The following LRRC4C variants were observed in gnomAD, a reference collection of about 807,000 sequenced individuals.
LRRC4C encodes the protein leucine rich repeat containing 4C, also known as leucine-rich repeat-containing protein 4C.
Under a neutral mutation model 33.6 loss-of-function variants are expected in LRRC4C, and 5 were observed. That is an observed-to-expected ratio of 0.15 (90% CI 0.08 to 0.31). The LOEUF (loss-of-function observed/expected upper bound fraction) is 0.31. Ranked by LOEUF, LRRC4C falls within the 10% of genes least tolerant of loss-of-function variation. The pLI, the probability that LRRC4C is intolerant of heterozygous loss-of-function variation, is 1.00. For synonymous variants in LRRC4C, 329 were observed against 302.0 expected, an observed-to-expected ratio of 1.09 and a Z score of -0.93; for missense variants, 560 against 796.7, an observed-to-expected ratio of 0.70 and a Z score of 3.58.
chr11:40,312,813 C>A (rs542211139), intron 4 of LRRC4C, among the ~76,000 whole-genome samples: 1 of 152,086 alleles, frequency 6.6e-6, no homozygotes, highest in African/African-American at 2.4e-5. Context: ...CAGCTTAACC[C>A]GAAAGACATT....
At chr11:40,542,455 A>AT (rs1956759518) in intron 3 of LRRC4C, among the ~76,000 whole-genome samples, 1 of 152,074 alleles carries the variant, frequency 6.6e-6, no homozygotes, top group African/African-American at 2.4e-5. Flanking sequence ...ACTATGATTT[A>AT]TATTTTTTGA....
chr11:41,258,263 G>A (rs1279163299), intron 1 of LRRC4C, among the ~76,000 whole-genome samples: 1 of 151,814 alleles, frequency 6.6e-6, no homozygotes, highest in Non-Finnish European at 1.5e-5. Context: ...TATATATTTG[G>A]TATTCTAGTT....
At chr11:40,429,861 T>C (rs138483031) in intron 3 of LRRC4C, among the ~76,000 whole-genome samples, 1 of 152,316 alleles carries the variant, frequency 6.6e-6, no homozygotes, top group Non-Finnish European at 1.5e-5. Flanking sequence ...TTTTGAAGGG[T>C]ATCCCAACTT....
At chr11:40,963,382 A>C (rs1851103885) in intron 1 of LRRC4C, among the ~76,000 whole-genome samples, 1 of 151,760 alleles carries the variant, frequency 6.6e-6, no homozygotes, top group African/African-American at 2.4e-5. Context: ...AATAAGTCTC[A>C]TCAATGGTAT....
At chr11:40,344,016 C>G (rs953642352) in intron 3 of LRRC4C, among the ~76,000 whole-genome samples, 1 of 151,800 alleles carries the variant, frequency 6.6e-6, no homozygotes, top group African/African-American at 2.4e-5. Flanking sequence ...AAAAAGCCTG[C>G]AAACCAAAAA....
At chr11:41,217,387 T>C (rs865870457) in intron 1 of LRRC4C, among the ~76,000 whole-genome samples, 4 of 152,084 alleles carry the variant, frequency 2.6e-5, no homozygotes, top group African/African-American at 9.7e-5. Flanking sequence ...ACTTTAAAAA[T>C]AAAGAAACCA....
At chr11:40,305,623 AG>A (rs201299109) in intron 4 of LRRC4C, among the ~76,000 whole-genome samples, 1,622 of 151,108 alleles carry the variant, frequency 0.011, 27 homozygotes, top group African/African-American at 0.038. Context: ...AAAAAAAAAA[AG>A]GAAGAATGTA....
At chr11:40,543,753 G>A (rs1956811460) in intron 3 of LRRC4C, among the ~76,000 whole-genome samples, 1 of 152,076 alleles carries the variant, frequency 6.6e-6, no homozygotes, top group African/African-American at 2.4e-5. Context: ...CCAGCTTATG[G>A]TCTTGGATTT....
intron 2 of LRRC4C, among the ~76,000 whole-genome samples, chr11:40,766,524 T>C (rs576720837): frequency 6.6e-6 from 1 of 150,920 alleles, no homozygotes; most frequent in African/African-American, 2.5e-5. Context: ...AAAGAAGAAC[T>C]GATGAAAAAA....
At chr11:40,907,557 CT>C (rs1956476641) in intron 2 of LRRC4C, among the ~76,000 whole-genome samples, 1 of 152,152 alleles carries the variant, frequency 6.6e-6, no homozygotes, top group South Asian at 2.1e-4. Flanking sequence ...AGTATAAAAA[CT>C]GCATTGTGAT....
At chr11:41,347,068 C>T (rs1240618351) in intron 1 of LRRC4C, among the ~76,000 whole-genome samples, 1 of 152,106 alleles carries the variant, frequency 6.6e-6, no homozygotes, top group East Asian at 1.9e-4. Flanking sequence ...GAAATGTATA[C>T]ATGCCCATTA....
chr11:41,200,719 T>G lies in LRRC4C; in HGVS notation c.-496+258712A>C, dbSNP rs576697211. Among the ~76,000 whole-genome samples, 29 of 152,340 alleles carry G rather than the reference T, an allele frequency of 1.9e-4. No homozygotes were observed. The South Asian group carries it at 6.0e-3, about 32-fold the overall frequency. ...ATCTGTGCTGAACTGTTATTCTCTG[T>G]GGCCAAAATATGGCCCCCCCAAAAA... On this transcript the variant is annotated intron_variant, in intron 1 of 6. Transcript: ENST00000528697.
intron 1 of LRRC4C, among the ~76,000 whole-genome samples, chr11:41,130,612 A>G (rs1942966867): frequency 6.6e-6 from 1 of 152,036 alleles, no homozygotes; most frequent in South Asian, 2.1e-4. Flanking sequence ...AATTAGGTGG[A>G]TTTAAATGAC....
chr11:40,356,619 T>G (rs1947684288), intron 3 of LRRC4C, among the ~76,000 whole-genome samples: 1 of 152,190 alleles, frequency 6.6e-6, no homozygotes, highest in African/African-American at 2.4e-5. Context: ...GGAATTTGAC[T>G]GTGCTGTATC....
chr11:40,290,665 G>T (rs1342308432), intron 4 of LRRC4C, among the ~76,000 whole-genome samples: 3 of 152,192 alleles, frequency 2.0e-5, no homozygotes, highest in African/African-American at 4.8e-5. Context: ...ACCCAGGAGA[G>T]TGCTGCCTTT....
intron 3 of LRRC4C, among the ~76,000 whole-genome samples, chr11:40,517,812 A>C (rs917988230): frequency 6.6e-6 from 1 of 152,190 alleles, no homozygotes; most frequent in African/African-American, 2.4e-5. Context: ...AGACAATCAT[A>C]AACAAAAAGA....
At chr11:40,878,467 G>T (rs557740327) in intron 2 of LRRC4C, among the ~76,000 whole-genome samples, 13 of 152,104 alleles carry the variant, frequency 8.5e-5, no homozygotes, top group Non-Finnish European at 1.5e-4. Flanking sequence ...TTCTCATAAG[G>T]AGCATACAAC....
At chr11:41,233,968 T>G (rs1220483413) in intron 1 of LRRC4C, among the ~76,000 whole-genome samples, 1 of 115,020 alleles carries the variant, frequency 8.7e-6, no homozygotes, top group African/African-American at 4.2e-5. Flanking sequence ...CTCCAAAAGC[T>G]TTTTTTTTTT....
At chr11:40,135,176 A>AT (rs1465224043) in intron 6 of LRRC4C, among the ~76,000 whole-genome samples, 6 of 152,204 alleles carry the variant, frequency 3.9e-5, no homozygotes, top group South Asian at 2.1e-4. Flanking sequence ...GGAATCAGTG[A>AT]TTTTTTTGTT....
Sources: allele counts gnomAD v4.1 joint callset (sites outside exome capture counted in the v4.1 genomes callset), GRCh38; gene constraint gnomAD v4.1.1; transcripts MANE v1.5; gene names NCBI Gene and HGNC (gene_info 2026-07-23, HGNC 2026-07-21).